SOX5: variants seen among roughly 807,000 people sequenced by gnomAD.
SOX5 encodes the protein transcription factor SOX-5.
In SOX5, 9 loss-of-function variants were observed where a neutral mutation model predicts 92.0. The observed-to-expected ratio is 0.10, with a 90% CI of 0.06 to 0.17. The LOEUF (loss-of-function observed/expected upper bound fraction) is 0.17, where lower values mean the gene tolerates loss of function less well. SOX5 is among the 10% of genes least tolerant of loss of function. The probability of loss-of-function intolerance (pLI) is 1.00; values close to 1 mark genes in which losing one functional copy is unlikely to be tolerated. For synonymous variants in SOX5, 344 were observed against 336.3 expected (o/e 1.02, Z -0.25); for missense variants, 642 against 944.5 (o/e 0.68, Z 4.20).
intron 7 of SOX5, among the ~76,000 whole-genome samples, chr12:23,650,573 T>G (rs1238119909): frequency 6.6e-6 from 1 of 152,132 alleles, no homozygotes; most frequent in East Asian, 1.9e-4. Flanking sequence ...TGTTGCTTTC[T>G]TTCATGTCAT....
chr12:24,305,808 G>A (rs1364372252), intron 2 of SOX5, among the ~76,000 whole-genome samples: 2 of 152,074 alleles, frequency 1.3e-5, no homozygotes, highest in Non-Finnish European at 2.9e-5. Flanking sequence ...TGTTGCCCAC[G>A]CTGGTCTTGA....
At chr12:24,169,720 G>A (rs112474296) in intron 4 of SOX5, among the ~76,000 whole-genome samples, 4 of 152,324 alleles carry the variant, frequency 2.6e-5, no homozygotes, top group Non-Finnish European at 4.4e-5. Flanking sequence ...AGGATGCCAC[G>A]TGCGATGCTG....
intron 1 of SOX5, among the ~76,000 whole-genome samples, chr12:24,553,706 A>G (rs568661552): frequency 7.2e-5 from 11 of 152,376 alleles, no homozygotes; most frequent in East Asian, 1.9e-4. Flanking sequence ...CAGTGGTGCC[A>G]TGAGAATAGA....
At chr12:24,239,475 CATT>C (rs1468639559) in intron 3 of SOX5, among the ~76,000 whole-genome samples, 1 of 152,124 alleles carries the variant, frequency 6.6e-6, no homozygotes, top group African/African-American at 2.4e-5. Flanking sequence ...TGGTGTGCCT[CATT>C]TTTATAGGAC....
At chr12:24,308,087 G>A (rs565993386) in intron 2 of SOX5, among the ~76,000 whole-genome samples, 1 of 152,236 alleles carries the variant, frequency 6.6e-6, no homozygotes, top group South Asian at 2.1e-4. Context: ...AGTTAGGTGA[G>A]TGTGCTCAAG....
At chr12:23,570,771 C>T (rs1432492468) in intron 10 of SOX5, among the ~76,000 whole-genome samples, 10 of 150,348 alleles carry the variant, frequency 6.7e-5, no homozygotes, top group East Asian at 2.0e-4. Flanking sequence ...ATTAGCCGGG[C>T]GTGGTGGCAG....
chr12:24,551,098 C>T (rs142714814), intron 1 of SOX5, among the ~76,000 whole-genome samples: 1 of 152,316 alleles, frequency 6.6e-6, no homozygotes, highest in East Asian at 1.9e-4. Flanking sequence ...AATCTGCCTG[C>T]TTAAAGATCT....
chr12:24,444,303 T>TGTGC (rs1033188229), intron 1 of SOX5, among the ~76,000 whole-genome samples: 4 of 147,000 alleles, frequency 2.7e-5, no homozygotes, highest in South Asian at 2.2e-4. Flanking sequence ...TGTGTGTGTG[T>TGTGC]GCACCCATGC....
At chr12:23,629,641 G>A (rs756870272) in intron 8 of SOX5, among the ~76,000 whole-genome samples, 1 of 152,070 alleles carries the variant, frequency 6.6e-6, no homozygotes, top group African/African-American at 2.4e-5. Context: ...CCGGTGAATA[G>A]TTTGAAACAA....
At chr12:24,294,517 A>G (rs1433423684) in intron 2 of SOX5, among the ~76,000 whole-genome samples, 2 of 152,242 alleles carry the variant, frequency 1.3e-5, no homozygotes, top group African/African-American at 4.8e-5. Context: ...GAATACCTCC[A>G]TGCAAATGCC....
In SOX5 at chr12:23,940,823, A is replaced by C. The variant is rs1436554596; in HGVS notation, c.38+8741T>G. Among the ~76,000 whole-genome samples, 14 of 150,088 alleles carry C rather than the reference A, an allele frequency of 9.3e-5. 1 individual carries two copies. Among genetic ancestry groups the C allele is most frequent in the Non-Finnish European group, 2.1e-4 (14 of 67,164 alleles). The stretch of plus-strand genomic sequence containing the variant: ...GATAGGTATGCTTTAGACCCTGAAC[A>C]CTCAACTTTCATATTATCTCAACCT... On this transcript the variant is annotated intron_variant, in intron 1 of 14. Coordinates refer to ENST00000451604, the MANE Select transcript of SOX5 (RefSeq NM_006940.6).
chr12:24,549,942 T>C (rs912451541), intron 1 of SOX5, among the ~76,000 whole-genome samples: 7 of 152,114 alleles, frequency 4.6e-5, no homozygotes, highest in Non-Finnish European at 8.8e-5. Context: ...GGGGTGAATA[T>C]AGAAGAAAGG....
chr12:24,373,397 TACA>T (rs1377155939), intron 1 of SOX5, among the ~76,000 whole-genome samples: 1 of 152,190 alleles, frequency 6.6e-6, no homozygotes, highest in Non-Finnish European at 1.5e-5. Context: ...CATTCATTCA[TACA>T]ATATTTCAGT....
At chr12:23,832,094 T>G (rs886538202) in intron 3 of SOX5, among the ~76,000 whole-genome samples, 24 of 152,032 alleles carry the variant, frequency 1.6e-4, no homozygotes, top group Middle Eastern at 3.4e-3. Context: ...TTAGAAAGTA[T>G]GAAAATGTGG....
intron 9 of SOX5, among the ~76,000 whole-genome samples, chr12:23,577,837 A>C (rs1032644992): frequency 6.6e-6 from 1 of 151,774 alleles, no homozygotes; most frequent in Non-Finnish European, 1.5e-5. Context: ...CTATAGGGGC[A>C]ATGGCTGGGT....
At chr12:23,730,844 C>T (rs976707813) in intron 6 of SOX5, among the ~76,000 whole-genome samples, 2 of 152,098 alleles carry the variant, frequency 1.3e-5, no homozygotes, top group Non-Finnish European at 2.9e-5. Flanking sequence ...CTTGAAATAA[C>T]CTGGATGTGA....
intron 3 of SOX5, among the ~76,000 whole-genome samples, chr12:23,839,005 ATT>A (rs200262997): frequency 3.5e-4 from 49 of 138,166 alleles, no homozygotes; most frequent in East Asian, 1.3e-3. Context: ...ACACCCAGCT[ATT>A]TTTTTTTTTT....
intron 2 of SOX5, among the ~76,000 whole-genome samples, chr12:24,323,443 T>C (rs1186774722): frequency 1.3e-5 from 2 of 151,766 alleles, no homozygotes; most frequent in Non-Finnish European, 2.9e-5. Context: ...ACTCAAACTC[T>C]AAAACCATTT....
rs962878701 is a variant in SOX5, at chr12:23,911,949, T to C, written c.39-15925A>G. Among the ~76,000 whole-genome samples the C allele has an allele frequency of 7.2e-5, 11 of 152,238 alleles. No homozygotes were observed. The East Asian group carries it at 7.7e-4, about 11-fold the overall frequency. ...GTGACAAAAGAACAAAACAGATACA[T>C]TGGACTTCATTAAAATTAAAAACTT... On this transcript the variant is annotated intron_variant, in intron 1 of 14. Coordinates refer to ENST00000451604, the MANE Select transcript of SOX5 (RefSeq NM_006940.6).
Sources: allele counts gnomAD v4.1 joint callset (sites outside exome capture counted in the v4.1 genomes callset), GRCh38; gene constraint gnomAD v4.1.1; transcripts MANE v1.5; gene names NCBI Gene and HGNC (gene_info 2026-07-23, HGNC 2026-07-21).